The following FAF1 variants were observed in gnomAD, a reference collection of about 807,000 sequenced individuals.
FAF1 encodes Fas associated factor 1, also known as FAS-associated factor 1.
In FAF1, 25 loss-of-function variants were observed where a neutral mutation model predicts 92.5. The observed-to-expected ratio is 0.27, with a 90% confidence interval of 0.20 to 0.38. FAF1 has a LOEUF of 0.38. Among genes scored for constraint, FAF1 ranks in the 10% least tolerant of loss-of-function variants. The pLI is 1.00. For synonymous variants in FAF1, 234 were observed against 273.2 expected, an observed-to-expected ratio of 0.86 and a Z score of 1.42; for missense variants, 636 against 793.3, an observed-to-expected ratio of 0.80 and a Z score of 2.38.
chr1:50,662,428 G>T (rs777835395), intron 7 of FAF1, among the ~76,000 whole-genome samples: 8 of 152,094 alleles, frequency 5.3e-5, no homozygotes, highest in Non-Finnish European at 1.2e-4. Flanking sequence ...GCCTTTCTAA[G>T]AGATTACTAG....
intron 18 of FAF1, among the ~76,000 whole-genome samples, chr1:50,470,143 A>T (rs1646553267): frequency 6.6e-6 from 1 of 152,248 alleles, no homozygotes; most frequent in Non-Finnish European, 1.5e-5. Flanking sequence ...GTATTACCAT[A>T]GGAAGGTTTT....
chr1:50,743,082 T>C (rs1340015333), intron 5 of FAF1, among the ~76,000 whole-genome samples: 1 of 152,226 alleles, frequency 6.6e-6, no homozygotes. Context: ...TAAGTAGCTG[T>C]ATGGCACACA....
chr1:50,932,177 C>T (rs1645053744), intron 1 of FAF1, among the ~76,000 whole-genome samples: 1 of 152,070 alleles, frequency 6.6e-6, no homozygotes, highest in Non-Finnish European at 1.5e-5. Context: ...ATCTCATGTC[C>T]TCACATGTCA....
At chr1:50,495,121 C>T (rs1248361145) in intron 15 of FAF1, among the ~76,000 whole-genome samples, 2 of 152,094 alleles carry the variant, frequency 1.3e-5, no homozygotes, top group Non-Finnish European at 2.9e-5. Context: ...TACAAACAAT[C>T]CAGTTAAAAT....
chr1:50,805,965 A>G (rs1662181151), intron 2 of FAF1, among the ~76,000 whole-genome samples: 1 of 152,214 alleles, frequency 6.6e-6, no homozygotes, highest in Non-Finnish European at 1.5e-5. Context: ...AAAACAAAGA[A>G]GAAAACTGTC....
intron 18 of FAF1, among the ~76,000 whole-genome samples, chr1:50,443,343 GCAT>G (rs1398962024): frequency 6.6e-6 from 1 of 152,180 alleles, no homozygotes; most frequent in Non-Finnish European, 1.5e-5. Flanking sequence ...TGAGAAAGCT[GCAT>G]CCAAGAAAAG....
chr1:50,620,760 C>T (rs993301132), intron 8 of FAF1, among the ~76,000 whole-genome samples: 1 of 152,202 alleles, frequency 6.6e-6, no homozygotes, highest in African/African-American at 2.4e-5. Flanking sequence ...GTAGATGGTG[C>T]TTAAGAGTAA....
chr1:50,631,958 T>A (rs1045081767), intron 8 of FAF1, among the ~76,000 whole-genome samples: 2 of 152,214 alleles, frequency 1.3e-5, no homozygotes, highest in African/African-American at 4.8e-5. Context: ...TTTCTTATTG[T>A]GCCTAATTTA....
At position 50,633,914 on chromosome 1, in the gene FAF1, T is replaced by C. The variant is rs1278073199; in HGVS notation, c.744+21528A>G. 2.0e-5 allele frequency among the ~76,000 whole-genome samples: 3 copies of C among 152,338 alleles called. No homozygotes were observed. The South Asian group carries it at 6.2e-4, about 32-fold the overall frequency. On this transcript the variant is annotated intron_variant, in intron 8 of 18. Transcript: ENST00000396153. ...TTTGTACTTTGAAAGTAATAAACTGTAAAGCAGTTCATTCCATGTTGATCA... is the reference window on the plus strand; with the variant it reads ...TTTGTACTTTGAAAGTAATAAACTGCAAAGCAGTTCATTCCATGTTGATCA...
chr1:50,615,547 A>G (rs1167911551), intron 8 of FAF1, among the ~76,000 whole-genome samples: 2 of 152,008 alleles, frequency 1.3e-5, no homozygotes, highest in Non-Finnish European at 2.9e-5. Flanking sequence ...CTGTTTTCTG[A>G]CTTTTTAATA....
intron 1 of FAF1, among the ~76,000 whole-genome samples, chr1:50,947,000 A>C (rs1645176764): frequency 6.6e-6 from 1 of 152,214 alleles, no homozygotes; most frequent in Non-Finnish European, 1.5e-5. Context: ...ATATACAGAA[A>C]TCATTCATGG....
At chr1:50,830,583 GTAATC>G (rs1393483957) in intron 2 of FAF1, among the ~76,000 whole-genome samples, 1 of 151,598 alleles carries the variant, frequency 6.6e-6, no homozygotes. Flanking sequence ...CCTATATTTT[GTAATC>G]TGAATAGAAT....
chr1:50,687,123 C>T (rs1656697702), intron 7 of FAF1, among the ~76,000 whole-genome samples: 1 of 152,082 alleles, frequency 6.6e-6, no homozygotes, highest in African/African-American at 2.4e-5. Context: ...GCCATGGTGC[C>T]CGACCTGAAA....
chr1:50,821,697 T>C (rs965741993), intron 2 of FAF1, among the ~76,000 whole-genome samples: 1 of 152,222 alleles, frequency 6.6e-6, no homozygotes, highest in Non-Finnish European at 1.5e-5. Flanking sequence ...CAGGTTTTTA[T>C]GAAACTTGCT....
intron 1 of FAF1, among the ~76,000 whole-genome samples, chr1:50,956,623 C>T (rs1301891928): frequency 1.3e-5 from 2 of 152,090 alleles, no homozygotes; most frequent in Admixed American, 6.6e-5. Flanking sequence ...TCCAAGTATC[C>T]GTATGCCAAG....
At chr1:50,870,414 G>A (rs1040460855) in intron 1 of FAF1, among the ~76,000 whole-genome samples, 5 of 152,324 alleles carry the variant, frequency 3.3e-5, no homozygotes, top group East Asian at 1.9e-4. Flanking sequence ...CCGAGATTGC[G>A]CCACTGCACT....
At chr1:50,623,288 A>G (rs1653298206) in intron 8 of FAF1, among the ~76,000 whole-genome samples, 1 of 152,048 alleles carries the variant, frequency 6.6e-6, no homozygotes. Context: ...TCAGGTTAGG[A>G]CAGGCGTGGT....
chr1:50,567,348 C>T (rs1650220258), intron 12 of FAF1, 117 bp from the exon 13 acceptor site: 1 of 646,212 alleles, frequency 1.5e-6, no homozygotes, highest in Admixed American at 3.2e-5. Flanking sequence ...AAATGCTATT[C>T]CCTAAGAGAG....
At chr1:50,588,939 A>G (rs1383589771) in intron 9 of FAF1, among the ~76,000 whole-genome samples, 3 of 152,182 alleles carry the variant, frequency 2.0e-5, no homozygotes, top group African/African-American at 7.2e-5. Context: ...GTAAGAGCAC[A>G]TGTGGGATGG....
Sources: allele counts gnomAD v4.1 joint callset (sites outside exome capture counted in the v4.1 genomes callset), GRCh38; gene constraint gnomAD v4.1.1; transcripts MANE v1.5; gene names NCBI Gene and HGNC (gene_info 2026-07-23, HGNC 2026-07-21).